Variants in LINGO2 observed in about 807,000 individuals in gnomAD.
LINGO2 encodes the protein leucine rich repeat and Ig domain containing 2.
In LINGO2, 14 loss-of-function variants were observed where a neutral mutation model predicts 30.6. The observed-to-expected ratio is 0.46, with a 90% CI of 0.30 to 0.72. LINGO2 has a LOEUF of 0.72. Among genes scored for constraint, LINGO2 ranks in the 30% least tolerant of loss-of-function variants. LINGO2 has a pLI of 0.07. For synonymous variants in LINGO2, 317 were observed against 288.5 expected (o/e 1.10, Z -1.00); for missense variants, 729 against 751.7 (o/e 0.97, Z 0.35).
chr9:28,250,645 C>T (rs1048822154), intron 4 of LINGO2, among the ~76,000 whole-genome samples: 1 of 152,164 alleles, frequency 6.6e-6, no homozygotes, highest in African/African-American at 2.4e-5. Context: ...AGACTTCTAC[C>T]TTCCAGAGGC....
the LINGO2 span, among the ~76,000 whole-genome samples, chr9:29,013,144 A>G: frequency 6.6e-6 from 1 of 152,180 alleles, no homozygotes; most frequent in Non-Finnish European, 1.5e-5. Context: ...TAATACATAG[A>G]GAGAAAGATG....
At chr9:28,964,109 C>CATAT in the LINGO2 span, among the ~76,000 whole-genome samples, 8 of 150,828 alleles carry the variant, frequency 5.3e-5, no homozygotes, top group African/African-American at 1.9e-4. Context: ...CACACACACG[C>CATAT]ATATATATAT....
At chr9:28,219,938 T>C (rs1820898809) in intron 4 of LINGO2, among the ~76,000 whole-genome samples, 1 of 152,186 alleles carries the variant, frequency 6.6e-6, no homozygotes, top group Non-Finnish European at 1.5e-5. Context: ...GATCATATTT[T>C]TAAAATTCCA....
chr9:28,834,703 C>T, the LINGO2 span, among the ~76,000 whole-genome samples: 6 of 152,108 alleles, frequency 3.9e-5, no homozygotes, highest in Non-Finnish European at 8.8e-5. Flanking sequence ...ACTAACTGGT[C>T]TTGAAGATTT....
At chr9:28,030,453 G>A (rs1158144429) in intron 4 of LINGO2, among the ~76,000 whole-genome samples, 1 of 152,168 alleles carries the variant, frequency 6.6e-6, no homozygotes, top group East Asian at 1.9e-4. Flanking sequence ...TAAGGTTACT[G>A]TTGTATCACA....
intron 1 of LINGO2, among the ~76,000 whole-genome samples, chr9:28,664,058 A>T (rs1284469303): frequency 6.6e-6 from 1 of 152,230 alleles, no homozygotes; most frequent in African/African-American, 2.4e-5. Flanking sequence ...AAATATTTAT[A>T]TCGAGAGAGG....
chr9:28,905,807 G>A, the LINGO2 span, among the ~76,000 whole-genome samples: 5 of 151,998 alleles, frequency 3.3e-5, no homozygotes, highest in African/African-American at 1.2e-4. Flanking sequence ...CCCACTTTTG[G>A]TAGACATCCA....
At chr9:28,241,284 A>C (rs867180647) in intron 4 of LINGO2, among the ~76,000 whole-genome samples, 1 of 54,566 alleles carries the variant, frequency 1.8e-5, no homozygotes, top group Non-Finnish European at 3.3e-5. Flanking sequence ...AAAAAAAAAA[A>C]AAAAAAAAGA....
At chr9:28,208,921 T>C (rs1820500772) in intron 4 of LINGO2, among the ~76,000 whole-genome samples, 1 of 152,038 alleles carries the variant, frequency 6.6e-6, no homozygotes, top group South Asian at 2.1e-4. Context: ...ATTTTATTGA[T>C]ATCATTTCTC....
At chr9:28,018,949 T>C (rs1216757820) in intron 4 of LINGO2, among the ~76,000 whole-genome samples, 3 of 152,104 alleles carry the variant, frequency 2.0e-5, no homozygotes, top group African/African-American at 7.2e-5. Flanking sequence ...TATGTAGCCA[T>C]AAAATAGAAT....
chr9:28,318,819 G>T (rs3849954), intron 3 of LINGO2, among the ~76,000 whole-genome samples: 147,512 of 152,278 alleles, frequency 0.97, 71,555 homozygotes, highest in Middle Eastern at 1. Flanking sequence ...TCATTTCTTG[G>T]GTGCTTTCTC....
At chr9:29,084,663 ATC>A in the LINGO2 span, among the ~76,000 whole-genome samples, 4 of 152,040 alleles carry the variant, frequency 2.6e-5, no homozygotes, top group South Asian at 4.1e-4. Flanking sequence ...CTAAGCATCC[ATC>A]TCTCTTAGAA....
chr9:28,402,769 A>C (rs542431338), intron 2 of LINGO2, among the ~76,000 whole-genome samples: 1 of 151,920 alleles, frequency 6.6e-6, no homozygotes, highest in Non-Finnish European at 1.5e-5. Context: ...ATCCCAGGCT[A>C]TCTTTCCCAT....
chr9:28,896,645 C>T, the LINGO2 span, among the ~76,000 whole-genome samples: 3 of 151,912 alleles, frequency 2.0e-5, no homozygotes, highest in African/African-American at 7.3e-5. Flanking sequence ...GGCTAGAAGG[C>T]CATTTATTTT....
intron 4 of LINGO2, among the ~76,000 whole-genome samples, chr9:28,111,920 T>C (rs921590177): frequency 1.3e-5 from 2 of 151,752 alleles, no homozygotes; most frequent in East Asian, 3.9e-4. Context: ...TATTTATTTT[T>C]TATTATACTC....
chr9:28,774,953 C>T, the LINGO2 span, among the ~76,000 whole-genome samples: 13 of 151,110 alleles, frequency 8.6e-5, no homozygotes, highest in Non-Finnish European at 8.9e-5. Flanking sequence ...CACACAGGAA[C>T]AAATCGTCGA....
At chr9:28,201,832 A>C (rs981116517) in intron 4 of LINGO2, among the ~76,000 whole-genome samples, 3 of 150,424 alleles carry the variant, frequency 2.0e-5, no homozygotes, top group Non-Finnish European at 4.4e-5. Context: ...CCCCTATTTA[A>C]ATTCCTCTAC....
chr9:29,143,092 T>TG, the LINGO2 span, among the ~76,000 whole-genome samples: 4 of 152,054 alleles, frequency 2.6e-5, no homozygotes, highest in African/African-American at 9.7e-5. Flanking sequence ...AACCAAGGAA[T>TG]GTAAAGACTT....
At chr9:28,540,465 T>C (rs1821640907) in intron 1 of LINGO2, among the ~76,000 whole-genome samples, 1 of 152,110 alleles carries the variant, frequency 6.6e-6, no homozygotes, top group South Asian at 2.1e-4. Flanking sequence ...TTTCATTATG[T>C]TGGCTAGGCT....
Sources: allele counts gnomAD v4.1 joint callset (sites outside exome capture counted in the v4.1 genomes callset), GRCh38; gene constraint gnomAD v4.1.1; transcripts MANE v1.5; gene names NCBI Gene and HGNC (gene_info 2026-07-23, HGNC 2026-07-21).